The following BCAS3 variants were observed in gnomAD, a reference collection of about 807,000 sequenced individuals.
The protein encoded by BCAS3 is BCAS4/BCAS3 fusion.
A neutral mutation model predicts 116.1 loss-of-function variants in BCAS3; 53 were observed. The observed-to-expected ratio is 0.46, with a 90% CI of 0.37 to 0.57. The LOEUF is 0.57. Among genes scored for constraint, BCAS3 ranks in the 20% least tolerant of loss-of-function variants. The pLI is 0.00. For synonymous variants in BCAS3, 391 were observed against 408.2 expected (o/e 0.96, Z 0.51); for missense variants, 917 against 1,165.4 (o/e 0.79, Z 3.10).
intron 23 of BCAS3, among the ~76,000 whole-genome samples, chr17:61,375,003 T>A (rs1435500346): frequency 6.6e-6 from 1 of 152,170 alleles, no homozygotes; most frequent in Non-Finnish European, 1.5e-5. Context: ...AGAAAAGGCT[T>A]TAAGATTATG....
At position 61,213,864 on chromosome 17, in the gene BCAS3, T is replaced by G. The variant is rs751042490; in HGVS notation, c.2425+129300T>G. Among the ~76,000 whole-genome samples, 2 of 152,310 alleles carry G rather than the reference T, an allele frequency of 1.3e-5. No homozygotes were observed. Among genetic ancestry groups the G allele is most frequent in the Middle Eastern group, 6.8e-3 (2 of 294 alleles). On this transcript the variant is annotated intron_variant, in intron 22 of 23. Coordinates refer to ENST00000407086, the MANE Select transcript of BCAS3 (RefSeq NM_017679.5). The surrounding 1 kb of genome is among the most constrained non-coding windows in gnomAD (Gnocchi z 5.4). ...GAAAGAATTTAATGAAATCTTGAAC[T>G]TTGCCTTCTGCCCTTTTGTATTTGT...
At chr17:61,058,451 T>G (rs2069617641) in intron 19 of BCAS3, among the ~76,000 whole-genome samples, 1 of 152,224 alleles carries the variant, frequency 6.6e-6, no homozygotes, top group South Asian at 2.1e-4. Context: ...TTTTTGAGGA[T>G]AGCGTTTTTT....
intron 22 of BCAS3, among the ~76,000 whole-genome samples, chr17:61,359,972 A>G (rs2058365140): frequency 6.7e-6 from 1 of 150,164 alleles, no homozygotes; most frequent in Non-Finnish European, 1.5e-5. Context: ...GGCCTAGTGC[A>G]GGAGCTCAGT....
At chr17:61,015,689 A>T (rs985157946) in intron 15 of BCAS3, 62 bp from the exon 16 acceptor site, 79 of 1,538,018 alleles carry the variant, frequency 5.1e-5, no homozygotes, top group Non-Finnish European at 6.6e-5. Flanking sequence ...CCTATCGGAG[A>T]TAGAGAACGG....
In BCAS3 at chr17:60,751,403, T is replaced by TTTG. The variant is rs2042441410; in HGVS notation, c.403+4124_403+4125insTTG. On this transcript the variant is annotated intron_variant, in intron 6 of 23. Coordinates refer to ENST00000407086, the MANE Select transcript of BCAS3 (RefSeq NM_017679.5). The stretch of plus-strand genomic sequence containing the variant: ...CAAGTAATAAATTTTTCTTATTCAT[T>TTTG]ACTTTAAGTAGCCATTTTGGCTTTT... Among the ~76,000 whole-genome samples the TTTG allele has an allele frequency of 3.9e-5, 6 of 152,374 alleles. 1 individual carries two copies. The highest frequency in any genetic ancestry group is 3.9e-4 in the Admixed American group (6 of 15,302).
intron 6 of BCAS3, among the ~76,000 whole-genome samples, chr17:60,767,764 T>A (rs959407260): frequency 7.9e-5 from 12 of 152,138 alleles, no homozygotes; most frequent in African/African-American, 2.9e-4. Context: ...GTGCATCTGG[T>A]TAAATGGTCG....
At position 61,313,179 on chromosome 17, in the gene BCAS3, G is replaced by A. The variant is rs915077852; in HGVS notation, c.2426-55148G>A. Among the ~76,000 whole-genome samples, 1 of 152,218 alleles carries A rather than the reference G, an allele frequency of 6.6e-6. No individual in the cohort carries two copies. Among genetic ancestry groups the A allele is most frequent in the East Asian group, 1.9e-4 (1 of 5,198 alleles). On this transcript the variant is annotated intron_variant, in intron 22 of 23. Coordinates refer to ENST00000407086, the MANE Select transcript of BCAS3 (RefSeq NM_017679.5). This position sits in a 1 kb window ranked among gnomAD's most constrained non-coding sequence, Gnocchi z 4.3. ...TTGGATTCATGGCAATTACTGCCAG[G>A]TAGAGAAAGCGAATGCTGTTATTTT...
chr17:61,075,176 A>G (rs1213852411), intron 20 of BCAS3, among the ~76,000 whole-genome samples, 156 bp downstream of exon 20: 1 of 152,178 alleles, frequency 6.6e-6, no homozygotes, highest in Non-Finnish European at 1.5e-5. Flanking sequence ...CTCCACAAAT[A>G]TTGCTGCAGG....
intron 22 of BCAS3, among the ~76,000 whole-genome samples, chr17:61,096,793 G>T (rs2074003315): frequency 6.6e-6 from 1 of 152,024 alleles, no homozygotes. Context: ...TAGGAGGAAG[G>T]GTTTATTATT....
intron 14 of BCAS3, chr17:60,980,677 G>A (rs1352691468): frequency 1.3e-5 from 2 of 151,898 alleles, no homozygotes; most frequent in Non-Finnish European, 2.9e-5. Context: ...GGGACTACAG[G>A]CGCACACCAG....
At chr17:60,740,174 T>A (rs1440793215) in intron 5 of BCAS3, among the ~76,000 whole-genome samples, 1 of 152,088 alleles carries the variant, frequency 6.6e-6, no homozygotes, top group African/African-American at 2.4e-5. Flanking sequence ...TGTTTGCCTT[T>A]TAGTATGCTT....
intron 22 of BCAS3, among the ~76,000 whole-genome samples, chr17:61,237,503 T>A (rs1163893490): frequency 6.6e-6 from 1 of 152,220 alleles, no homozygotes; most frequent in Non-Finnish European, 1.5e-5. Context: ...AAGCTGGTTC[T>A]TTTGCTCTTC....
Position 61,326,876 on chromosome 17 carries a change from C to A in BCAS3, c.2426-41451C>A, listed in dbSNP as rs1227104929. Reference sequence around the variant, plus strand: ...GGAGGTGATAAAAAGATGGATTGGACACCATCTCTCCCTTTAGGCAACTCA... The same window carrying A: ...GGAGGTGATAAAAAGATGGATTGGAAACCATCTCTCCCTTTAGGCAACTCA... On this transcript the variant is annotated intron_variant, in intron 22 of 23. Transcript: ENST00000407086. This position sits in a 1 kb window ranked among gnomAD's most constrained non-coding sequence, Gnocchi z 5.3. Among the ~76,000 whole-genome samples, 1 of 151,916 alleles carries A rather than the reference C, an allele frequency of 6.6e-6. No individual in the cohort carries two copies. The highest frequency in any genetic ancestry group is 1.5e-5 in the Non-Finnish European group (1 of 67,992).
At chr17:60,930,718 A>G (rs2059601699) in intron 13 of BCAS3, among the ~76,000 whole-genome samples, 1 of 152,164 alleles carries the variant, frequency 6.6e-6, no homozygotes, top group Non-Finnish European at 1.5e-5. Context: ...TCAGCCTCCC[A>G]AAGTGTTGGG....
chr17:60,979,111 G>A (rs1056215992), intron 14 of BCAS3, among the ~76,000 whole-genome samples: 1 of 148,642 alleles, frequency 6.7e-6, no homozygotes, highest in African/African-American at 2.5e-5. Flanking sequence ...CCATTTTCAC[G>A]ATATTGATTC....
intron 22 of BCAS3, among the ~76,000 whole-genome samples, chr17:61,116,516 A>G (rs2075465877): frequency 6.6e-6 from 1 of 152,186 alleles, no homozygotes. Flanking sequence ...ACTCTCACAC[A>G]TAATTTAGAA....
chr17:61,318,970 T>TG (rs1239491145), intron 22 of BCAS3, among the ~76,000 whole-genome samples: 4 of 152,264 alleles, frequency 2.6e-5, no homozygotes, highest in African/African-American at 9.6e-5. Context: ...GGGTTTGACC[T>TG]GGTTCTGCCA....
rs563414601 is a variant in BCAS3 at position 60,793,539 on chromosome 17, T to C, written c.404-14465T>C. On this transcript the variant is annotated intron_variant, in intron 6 of 23. Transcript: ENST00000407086. ...TACACTACACCATATTTGCAGTCTT[T>C]TATCCATCGCCCCCATCTCACTTTC... Among the ~76,000 whole-genome samples, 3 of 152,274 alleles carry C rather than the reference T, an allele frequency of 2.0e-5. No individual in the cohort carries two copies. The East Asian group carries it at 5.8e-4, about 29-fold the overall frequency.
chr17:60,793,663 C>T (rs991493985), intron 6 of BCAS3, among the ~76,000 whole-genome samples: 1 of 152,172 alleles, frequency 6.6e-6, no homozygotes. Flanking sequence ...GTTGGTTTTC[C>T]ATTCCTAAGT....
Sources: gnomAD v4.1 joint callset for allele counts (sites outside exome capture counted in the v4.1 genomes callset) on GRCh38, gnomAD v4.1.1 for gene constraint, Gnocchi (gnomAD v3.1) non-coding constraint, MANE v1.5 for transcripts, NCBI Gene and HGNC (gene_info 2026-07-23, HGNC 2026-07-21) for gene names.